The following NRXN3 variants were observed in gnomAD, a reference collection of about 807,000 sequenced individuals.
NRXN3 encodes neurexin III.
In NRXN3, 32 loss-of-function variants were observed where a neutral mutation model predicts 137.6. That is an observed-to-expected ratio of 0.23 (90% CI 0.18 to 0.31). The LOEUF is 0.31. Ranked by LOEUF, NRXN3 falls within the 10% of genes least tolerant of loss-of-function variation. NRXN3 has a pLI of 1.00. For missense variants in NRXN3, 1,574 were observed against 2,062.5 expected, an observed-to-expected ratio of 0.76 and a Z score of 4.59; for synonymous variants, 798 against 784.5, an observed-to-expected ratio of 1.02 and a Z score of -0.29.
chr14:79,424,973 CTTTA>C (rs1164588236), intron 15 of NRXN3, among the ~76,000 whole-genome samples: 4 of 152,046 alleles, frequency 2.6e-5, no homozygotes, highest in African/African-American at 4.8e-5. Flanking sequence ...ACTAACTGTT[CTTTA>C]TTTATAAGGA....
intron 16 of NRXN3, among the ~76,000 whole-genome samples, chr14:79,544,602 T>G (rs1201288067): frequency 6.6e-6 from 1 of 152,162 alleles, no homozygotes; most frequent in Non-Finnish European, 1.5e-5. Flanking sequence ...TATGACATTT[T>G]TGGAAAAATA....
chr14:78,682,141 C>T (rs1218689466), intron 6 of NRXN3, among the ~76,000 whole-genome samples: 1 of 152,122 alleles, frequency 6.6e-6, no homozygotes, highest in African/African-American at 2.4e-5. Flanking sequence ...GCTGGGATTA[C>T]AGGCGTGAGC....
At position 78,966,066 on chromosome 14, in the gene NRXN3, A is replaced by T. The variant is rs1403487857; in HGVS notation, c.2437A>T (p.Ile813Phe). 1 of 1,614,214 alleles carries T rather than the reference A, an allele frequency of 6.2e-7. No homozygotes were observed. Among genetic ancestry groups the T allele is most frequent in the Non-Finnish European group, 8.5e-7 (1 of 1,180,042 alleles). ...CCATACCCGTTTGGAGTTCCACAAC[A>T]TTGAAACGGGAATCATGACTGAGAA... ...GDHTRLEFHNIETGIMTEKRY... is the reference protein window; with the variant it reads ...GDHTRLEFHNFETGIMTEKRY... Residue 813 changes from isoleucine (I) to phenylalanine (F), a missense_variant, in exon 12 of 21, where the codon ATT becomes TTT. Transcript: ENST00000335750.
chr14:79,037,234 G>T (rs1209153597), intron 15 of NRXN3, among the ~76,000 whole-genome samples: 1 of 152,040 alleles, frequency 6.6e-6, no homozygotes, highest in African/African-American at 2.4e-5. Flanking sequence ...CCTGTTGAAT[G>T]CCTTGCTTTC....
chr14:78,632,210 A>G (rs1334907717), intron 4 of NRXN3, among the ~76,000 whole-genome samples: 1 of 151,952 alleles, frequency 6.6e-6, no homozygotes, highest in African/African-American at 2.4e-5. Flanking sequence ...CACAATTCCC[A>G]TGATTTTTTT....
At chr14:79,217,274 G>A (rs146081541) in intron 15 of NRXN3, among the ~76,000 whole-genome samples, 128 of 152,300 alleles carry the variant, frequency 8.4e-4, no homozygotes, top group African/African-American at 2.6e-3. Context: ...GGTGGAAGGC[G>A]AAGCAGGAAC....
chr14:78,602,725 G>A (rs535117536), intron 4 of NRXN3, among the ~76,000 whole-genome samples: 5 of 152,286 alleles, frequency 3.3e-5, no homozygotes, highest in East Asian at 1.9e-4. Flanking sequence ...CACCCACACC[G>A]GCCCATGAGG....
chr14:79,650,009 G>T (rs1369333461), intron 16 of NRXN3, among the ~76,000 whole-genome samples: 1 of 152,144 alleles, frequency 6.6e-6, no homozygotes, highest in South Asian at 2.1e-4. Context: ...TTACATGGAG[G>T]AGAGAGAAAT....
At chr14:78,314,439 C>G (rs942131535) in intron 4 of NRXN3, among the ~76,000 whole-genome samples, 1 of 152,144 alleles carries the variant, frequency 6.6e-6, no homozygotes, top group Non-Finnish European at 1.5e-5. Context: ...ATTCAGGCAC[C>G]AAGACACCTT....
intron 15 of NRXN3, among the ~76,000 whole-genome samples, chr14:79,321,715 G>T (rs1166939486): frequency 6.6e-6 from 1 of 150,556 alleles, no homozygotes; most frequent in Admixed American, 6.6e-5. Flanking sequence ...CCTTGCTAAT[G>T]GTTTCAGCAT....
intron 15 of NRXN3, among the ~76,000 whole-genome samples, chr14:79,350,777 C>G (rs545338796): frequency 6.6e-6 from 1 of 152,116 alleles, no homozygotes; most frequent in African/African-American, 2.4e-5. Context: ...TTCTCTGAAT[C>G]CATAATCCTC....
intron 19 of NRXN3, among the ~76,000 whole-genome samples, chr14:79,750,315 C>T (rs889774170): frequency 6.6e-6 from 1 of 152,054 alleles, no homozygotes; most frequent in Non-Finnish European, 1.5e-5. Flanking sequence ...GAAATGTAAA[C>T]AAGGACACAT....
chr14:79,381,760 CA>C (rs2153454732), intron 15 of NRXN3, among the ~76,000 whole-genome samples: 1 of 152,200 alleles, frequency 6.6e-6, no homozygotes, highest in South Asian at 2.1e-4. Context: ...ACATTGATCA[CA>C]ATCAAATAAT....
Position 78,651,330 on chromosome 14 carries a change from A to T in NRXN3, c.1221+4A>T, listed in dbSNP as rs201482852. 8.7e-6 allele frequency: 14 copies of T among 1,613,558 alleles called. No homozygotes were observed. The Admixed American group carries it at 2.3e-4, about 27-fold the overall frequency. ...CTTCATGGGCTGCCTTAAAGAGGTAAAGTTCACCCAATTCTATTTAATGCA... is the reference window on the plus strand; with the variant it reads ...CTTCATGGGCTGCCTTAAAGAGGTATAGTTCACCCAATTCTATTTAATGCA... On this transcript the variant is annotated splice_donor_region_variant and intron_variant, in intron 6 of 20. Coordinates refer to ENST00000335750, the MANE Select transcript of NRXN3 (RefSeq NM_001330195.2).
chr14:79,609,587 G>T (rs566187530), intron 16 of NRXN3, among the ~76,000 whole-genome samples: 1 of 152,236 alleles, frequency 6.6e-6, no homozygotes, highest in Non-Finnish European at 1.5e-5. Flanking sequence ...TAATGAGGAG[G>T]TAATAAAGAC....
chr14:79,276,073 A>G (rs1169592688), intron 15 of NRXN3, among the ~76,000 whole-genome samples: 2 of 152,208 alleles, frequency 1.3e-5, no homozygotes, highest in African/African-American at 2.4e-5. Context: ...AGCCAACTCA[A>G]GAGGAAGAGG....
chr14:78,321,549 C>T (rs1453734544), intron 4 of NRXN3, among the ~76,000 whole-genome samples: 2 of 151,996 alleles, frequency 1.3e-5, no homozygotes, highest in Non-Finnish European at 2.9e-5. Context: ...TTTAAAGGTT[C>T]CTGCAAGGCT....
At chr14:79,411,987 G>T (rs1338410622) in intron 15 of NRXN3, among the ~76,000 whole-genome samples, 3 of 152,068 alleles carry the variant, frequency 2.0e-5, no homozygotes, top group Non-Finnish European at 2.9e-5. Context: ...TTTTATCTGT[G>T]ACTCAGACAT....
chr14:78,926,698 AATAT>A (rs2099294368), intron 10 of NRXN3, among the ~76,000 whole-genome samples: 1 of 92,858 alleles, frequency 1.1e-5, no homozygotes, highest in Non-Finnish European at 2.0e-5. Context: ...ATATATATAA[AATAT>A]ATATTATATA....
Sources: gnomAD v4.1 joint callset for allele counts (sites outside exome capture counted in the v4.1 genomes callset) on GRCh38, gnomAD v4.1.1 for gene constraint, MANE v1.5 for transcripts, NCBI Gene and HGNC (gene_info 2026-07-23, HGNC 2026-07-21) for gene names.